Variants in TRIM49C observed in about 807,000 individuals in gnomAD.
The protein encoded by TRIM49C is tripartite motif containing 49C.
In TRIM49C, 6 loss-of-function variants were observed where a neutral mutation model predicts 21.4. The ratio of observed to expected loss-of-function variants is 0.28; its 90% CI spans 0.15 to 0.55. The LOEUF is 0.55. TRIM49C is among the 20% of genes least tolerant of loss of function. TRIM49C has a pLI of 0.94. For missense variants in TRIM49C, 161 were observed against 442.4 expected, an observed-to-expected ratio of 0.36 and a Z score of 5.71; for synonymous variants, 57 against 148.1, an observed-to-expected ratio of 0.38 and a Z score of 4.47.
downstream of TRIM49C, among the ~76,000 whole-genome samples, chr11:90,045,079 T>A (rs1277852186): frequency 1.6e-5 from 2 of 127,464 alleles, no homozygotes; most frequent in Non-Finnish European, 3.3e-5. Flanking sequence ...AAAGATCAGA[T>A]GGTTGTAGAT....
chr11:90,069,136 G>T, the TRIM49C span, among the ~76,000 whole-genome samples: 4 of 134,788 alleles, frequency 3.0e-5, 1 homozygote, highest in African/African-American at 5.8e-5. Context: ...ACAGAGTCTC[G>T]CTCTGTCACC....
chr11:90,055,667 A>C, the TRIM49C span, among the ~76,000 whole-genome samples: 7 of 148,266 alleles, frequency 4.7e-5, no homozygotes, highest in East Asian at 6.0e-4. Context: ...ACACCAGGTG[A>C]TTTCCTTAAA....
the TRIM49C span, among the ~76,000 whole-genome samples, chr11:90,051,652 G>A: frequency 1.8e-5 from 2 of 111,980 alleles, no homozygotes; most frequent in African/African-American, 3.5e-5. Context: ...TGCCCGCTAG[G>A]TGTACTGATT....
At chr11:90,067,401 G>A in the TRIM49C span, among the ~76,000 whole-genome samples, 2 of 146,588 alleles carry the variant, frequency 1.4e-5, no homozygotes, top group African/African-American at 5.0e-5. Flanking sequence ...TATTTCCTGG[G>A]AAATGATATA....
intron 2 of TRIM49C, among the ~76,000 whole-genome samples, chr11:90,034,096 G>T (rs1950707131): frequency 8.1e-6 from 1 of 123,346 alleles, no homozygotes; most frequent in Non-Finnish European, 1.6e-5. Flanking sequence ...TCCAATATAG[G>T]CTGTCTCTAA....
chr11:90,038,637 G>C, intron 5 of TRIM49C, 56 bp from the exon 6 acceptor site: 1 of 653,642 alleles, frequency 1.5e-6, no homozygotes, highest in Non-Finnish European at 2.4e-6. Flanking sequence ...ACTGAACTTA[G>C]TGAAAGATGC....
the TRIM49C span, among the ~76,000 whole-genome samples, chr11:90,055,606 C>A: frequency 1.4e-3 from 210 of 151,152 alleles, 3 homozygotes; most frequent in Non-Finnish European, 2.5e-3. Context: ...ACTTGGTGTG[C>A]CATCTGCCTA....
chr11:90,048,381 T>G, the TRIM49C span, among the ~76,000 whole-genome samples: 1 of 123,184 alleles, frequency 8.1e-6, no homozygotes, highest in African/African-American at 3.3e-5. Context: ...CTCGTTTCCA[T>G]ACTCCCCATC....
Position 90,041,066 on chromosome 11 carries a change from A to G in TRIM49C, c.875A>G (p.His292Arg). 2.5e-6 allele frequency: 4 copies of G among 1,584,560 alleles called. No homozygotes were observed. Among genetic ancestry groups the G allele is most frequent in the Non-Finnish European group, 3.4e-6 (4 of 1,168,058 alleles). Residue 292 changes from histidine to arginine, a missense_variant, in exon 8 of 8, where the codon CAT becomes CGT. This residue lies in a region of TRIM49C where 80 missense variants were observed against 314.8 expected (regional missense o/e 0.25). Transcript: ENST00000448984. ...LNQFRVHITLHHEEANSDIFL... is the reference protein window; with the variant it reads ...LNQFRVHITLRHEEANSDIFL... ...TTTTTTGCAGTGCATATTACTCTGC[A>G]TCATGAAGAAGCCAACAGTGATATC...
At chr11:90,033,156 CTG>C (rs987319836) in intron 2 of TRIM49C, among the ~76,000 whole-genome samples, 8 of 134,952 alleles carry the variant, frequency 5.9e-5, no homozygotes, top group African/African-American at 2.2e-4. Flanking sequence ...TCTTATTAAA[CTG>C]TGAAAAATTT....
At chr11:90,056,252 G>T in the TRIM49C span, among the ~76,000 whole-genome samples, 1 of 137,884 alleles carries the variant, frequency 7.3e-6, no homozygotes, top group South Asian at 2.4e-4. Context: ...GAGCCACCGC[G>T]CCCAGCCCAT....
rs1328089844 is a variant in TRIM49C at position 90,039,739 on chromosome 11, G to C, written c.762-126G>C. On this transcript the variant is annotated intron_variant, in intron 6 of 7. Coordinates refer to ENST00000448984, the MANE Select transcript of TRIM49C (RefSeq NM_001195234.1). ...TAAAGAATTAATTTGCAAAAGGAAG[G>C]ATTAATTTTTGAATTATCAAATGTG... is the stretch of plus-strand genomic sequence containing the variant. The C allele has an allele frequency of 8.6e-6, 7 of 815,030 alleles. 2 individuals are homozygous for C. The highest frequency in any genetic ancestry group is 1.1e-5 in the Non-Finnish European group (6 of 552,178). 50.5% of individuals were successfully genotyped at this position (815,030 alleles called of 1,614,324 possible).
chr11:90,064,250 T>C, the TRIM49C span, among the ~76,000 whole-genome samples: 1 of 150,920 alleles, frequency 6.6e-6, no homozygotes, highest in African/African-American at 2.5e-5. Context: ...AATTAATATC[T>C]ATTATTTTTA....
the TRIM49C span, among the ~76,000 whole-genome samples, chr11:90,072,230 A>G: frequency 4.9e-5 from 7 of 142,964 alleles, no homozygotes; most frequent in East Asian, 1.5e-3. Context: ...GTGCATTTTA[A>G]TCAACTAAAG....
chr11:90,070,144 A>G, the TRIM49C span, among the ~76,000 whole-genome samples: 1 of 76,912 alleles, frequency 1.3e-5, no homozygotes, highest in Non-Finnish European at 2.4e-5. Flanking sequence ...TTCCTCCCAT[A>G]GAGACACTCT....
In TRIM49C at chr11:90,041,394, T is replaced by C. The variant is rs778577461; in HGVS notation, c.1203T>C (p.Tyr401=). 1.1e-4 allele frequency: 168 copies of C among 1,586,340 alleles called. 22 individuals are homozygous for C. Among genetic ancestry groups the C allele is most frequent in the Non-Finnish European group, 1.4e-4 (165 of 1,163,424 alleles). ...LFTTSPLMLQ[Y]IPKPTSRVGL... is the part of the protein sequence containing the mutation. ...CCACCTCCCCACTTATGCTGCAATA[T>C]ATCCCAAAACCTACCAGCCGAGTAG... is the stretch of plus-strand genomic sequence containing the variant. The change falls in exon 8 of 8, where the codon TAT becomes TAC. Residue 401 remains tyrosine (Y), a synonymous_variant. Transcript: ENST00000448984.
chr11:90,065,537 T>C, the TRIM49C span, among the ~76,000 whole-genome samples: 23 of 137,396 alleles, frequency 1.7e-4, 4 homozygotes, highest in South Asian at 1.3e-3. Context: ...TTGGATTGCA[T>C]AGAAAGGGAT....
downstream of TRIM49C, among the ~76,000 whole-genome samples, chr11:90,042,325 A>G (rs1368168906): frequency 7.3e-6 from 1 of 136,418 alleles, no homozygotes; most frequent in Non-Finnish European, 1.6e-5. Flanking sequence ...TATATTGATA[A>G]TGATGACTTC....
At chr11:90,072,373 C>G in the TRIM49C span, among the ~76,000 whole-genome samples, 30 of 149,094 alleles carry the variant, frequency 2.0e-4, 1 homozygote, top group Admixed American at 4.7e-4. Flanking sequence ...TAAAAGATGT[C>G]TGTGCCTGAA....
Sources: gnomAD v4.1 joint callset for allele counts (sites outside exome capture counted in the v4.1 genomes callset) on GRCh38, gnomAD v4.1.1 for gene constraint, gnomAD v4.1.1 regional missense constraint, MANE v1.5 for transcripts, NCBI Gene and HGNC (gene_info 2026-07-23, HGNC 2026-07-21) for gene names.